Variants in ATP6AP2 observed in about 807,000 individuals in gnomAD.
ATP6AP2 encodes ATPase H+ transporting accessory protein 2, also known as renin receptor.
A neutral mutation model predicts 23.4 loss-of-function variants in ATP6AP2; 1 was observed. The observed-to-expected ratio is 0.04, with a 90% CI of 0.02 to 0.20. The LOEUF (loss-of-function observed/expected upper bound fraction) is 0.20. ATP6AP2 is among the 10% of genes least tolerant of loss of function. The probability of loss-of-function intolerance (pLI) is 1.00; values close to 1 mark genes in which losing one functional copy is unlikely to be tolerated. For missense variants in ATP6AP2, 174 were observed against 271.3 expected, an observed-to-expected ratio of 0.64 and a Z score of 2.52; for synonymous variants, 90 against 97.1, an observed-to-expected ratio of 0.93 and a Z score of 0.43.
At chrX:40,581,209 G>A (rs1926312779) in intron 1 of ATP6AP2, 107 bp downstream of exon 1, 2 of 846,378 alleles carry the variant, frequency 2.4e-6, no homozygotes, top group Non-Finnish European at 3.1e-6. Context: ...GTGCCGCAGT[G>A]CGGTCCGTCA....
chrX:40,581,357 G>C (rs1194036181), intron 1 of ATP6AP2, among the ~76,000 whole-genome samples: 1 of 113,364 alleles, frequency 8.8e-6, no homozygotes, highest in African/African-American at 3.2e-5. Flanking sequence ...CCACTTTGAG[G>C]GCGGCGCGTC....
In ATP6AP2 at chrX:40,597,327, T is replaced by C; in HGVS notation, c.379T>C (p.Leu127=). The change falls in exon 4 of 9, where the codon TTG becomes CTG. Residue 127 remains leucine, a synonymous_variant. Coordinates refer to ENST00000636580, the MANE Select transcript of ATP6AP2 (RefSeq NM_005765.3). The part of the protein sequence containing the change: ...FSEETPVVLQ[L]APSEERVYMV... ...TGAGGAAACTCCTGTTGTTTTGCAGTTGGCTCCCAGTGAGGAAGTAAGTGA... is the reference window on the plus strand; with the variant it reads ...TGAGGAAACTCCTGTTGTTTTGCAGCTGGCTCCCAGTGAGGAAGTAAGTGA... 1 of 1,201,099 alleles carries C rather than the reference T, an allele frequency of 8.3e-7. No individual in the cohort carries two copies. Among genetic ancestry groups the C allele is most frequent in the Non-Finnish European group, 1.1e-6 (1 of 885,661 alleles).
In ATP6AP2 at chrX:40,606,770, C is replaced by T; in HGVS notation, c.*1015C>T. 1 of 112,371 alleles carries T rather than the reference C, an allele frequency of 8.9e-6. No individual in the cohort carries two copies. Among genetic ancestry groups the T allele is most frequent in the Non-Finnish European group, 1.9e-5 (1 of 53,225 alleles). The allele number at this position is 112,371 out of a possible 1,213,427, so 9.3% of individuals were successfully genotyped here. The stretch of plus-strand genomic sequence containing the variant: ...TTTCTTTTACACTTGTTTATTCTCG[C>T]TGCCTCCTGAGATTTAGTACTAATG... On this transcript the variant is annotated 3_prime_UTR_variant, in exon 9 of 9. Transcript: ENST00000636580.
At position 40,602,276 on chromosome X, in the gene ATP6AP2, C is replaced by T. The variant is rs754229508; in HGVS notation, c.858+1395C>T. 5.1e-5 allele frequency among the ~76,000 whole-genome samples: 5 copies of T among 97,872 alleles called. 1 individual carries two copies. Among genetic ancestry groups the T allele is most frequent in the East Asian group, 6.4e-4 (2 of 3,112 alleles). The allele number at this position is 97,872 out of a possible 115,157, so 85.0% of individuals were successfully genotyped here. A position where few individuals can be genotyped will look rare whatever the true frequency, so the allele number is the denominator to read the frequency against. On this transcript the variant is annotated intron_variant, in intron 8 of 8. Transcript: ENST00000636580. ...TAGCCTGGGAGACACAGCAAGACTC[C>T]GTCTCAAATAAAAAAAAAATTACAA...
At chrX:40,596,178 C>CAA (rs369948015) in intron 3 of ATP6AP2, among the ~76,000 whole-genome samples, 27 of 96,100 alleles carry the variant, frequency 2.8e-4, no homozygotes, top group African/African-American at 8.7e-4. Flanking sequence ...GGCTCTGTCT[C>CAA]AAAAAAAAAA....
In ATP6AP2 at chrX:40,597,281, T is replaced by C; in HGVS notation, c.333T>C (p.Asn111=). Residue 111 remains asparagine (N), a synonymous_variant, in exon 4 of 9, where the codon AAT becomes AAC. Coordinates refer to ENST00000636580, the MANE Select transcript of ATP6AP2 (RefSeq NM_005765.3). ...AVPFSLDSVA[N]SIHSLFSEET... ...CTTTTAGTCTTGACAGTGTTGCAAATTCCATTCACTCCTTATTTTCTGAGG... is the reference window on the plus strand; with the variant it reads ...CTTTTAGTCTTGACAGTGTTGCAAACTCCATTCACTCCTTATTTTCTGAGG... 1 of 1,208,986 alleles carries C rather than the reference T, an allele frequency of 8.3e-7. No individual in the cohort carries two copies. The highest frequency in any genetic ancestry group is 1.1e-6 in the Non-Finnish European group (1 of 892,809).
chrX:40,587,666 T>G (rs748927194), intron 1 of ATP6AP2, among the ~76,000 whole-genome samples: 2 of 112,495 alleles, frequency 1.8e-5, no homozygotes, highest in East Asian at 5.6e-4. Flanking sequence ...TGGCTAACAT[T>G]TGTTCTAGAC....
chrX:40,588,869 C>T, intron 1 of ATP6AP2, 117 bp from the exon 2 acceptor site: 1 of 831,381 alleles, frequency 1.2e-6, no homozygotes, highest in Non-Finnish European at 1.7e-6. Context: ...TTTGACCAGT[C>T]ATAATTTAAT....
At position 40,591,674 on chromosome X, in the gene ATP6AP2, G is replaced by C. The variant is rs143698053; in HGVS notation, c.300+309G>C. On this transcript the variant is annotated intron_variant, in intron 3 of 8. Transcript: ENST00000636580. The stretch of plus-strand genomic sequence containing the variant: ...GAGAAACCAGTTGGGGTTGTATCCT[G>C]CTACTGTTTTTTTGGCCATTGTCTT... The C allele has an allele frequency of 5.2e-3, 1,299 of 251,558 alleles. 17 individuals are homozygous for C. The highest frequency in any genetic ancestry group is 0.035 in the African/African-American group (1,204 of 34,748). The allele number at this position is 251,558 out of a possible 1,213,427, so 20.7% of individuals were successfully genotyped here.
chrX:40,585,948 C>T (rs1250821509), intron 1 of ATP6AP2, among the ~76,000 whole-genome samples: 1 of 111,785 alleles, frequency 8.9e-6, no homozygotes, highest in East Asian at 2.8e-4. Context: ...GACTGCTCTT[C>T]CTGGATTCTT....
At chrX:40,587,682 G>T (rs1037434169) in intron 1 of ATP6AP2, among the ~76,000 whole-genome samples, 12 of 112,039 alleles carry the variant, frequency 1.1e-4, no homozygotes, top group African/African-American at 3.9e-4. Context: ...TAGACTTGGA[G>T]CCCATTTTTT....
At chrX:40,596,485 C>T (rs1319558540) in intron 3 of ATP6AP2, among the ~76,000 whole-genome samples, 1 of 110,593 alleles carries the variant, frequency 9.0e-6, no homozygotes, top group Non-Finnish European at 1.9e-5. Flanking sequence ...TTTTTGTTAC[C>T]CTTGAGGGTG....
chrX:40,581,107 G>GGAGCCGGGGGCCGGCAGGAC lies in ATP6AP2; in HGVS notation c.37+7_37+26dup. ...TGCTCCTGGCGTTGGTGGCGGGTGA[G>GGAGCCGGGGGCCGGCAGGAC]GAGCCGGGGGCCGGCAGGACGTGCC... On this transcript the variant is annotated splice_donor_region_variant and intron_variant, in intron 1 of 8. Transcript: ENST00000636580. 4.3e-6 allele frequency: 5 copies of GGAGCCGGGGGCCGGCAGGAC among 1,161,016 alleles called. No individual in the cohort carries two copies. The highest frequency in any genetic ancestry group is 5.7e-6 in the Non-Finnish European group (5 of 870,897).
intron 1 of ATP6AP2, among the ~76,000 whole-genome samples, chrX:40,584,741 G>A (rs762122282): frequency 9.0e-6 from 1 of 110,629 alleles, no homozygotes; most frequent in Non-Finnish European, 1.9e-5. Context: ...TGAGTAGCTG[G>A]GACTACAGGC....
intron 5 of ATP6AP2, chrX:40,598,480 G>A (rs1192603153): frequency 1.3e-5 from 6 of 451,758 alleles, no homozygotes; most frequent in Admixed American, 3.7e-5. Context: ...CTGTGCTAGG[G>A]AATGGCCATC....
chrX:40,589,254 C>T (rs994280801), intron 2 of ATP6AP2, 138 bp downstream of exon 2: 7 of 739,421 alleles, frequency 9.5e-6, no homozygotes, highest in Non-Finnish European at 1.4e-5. Context: ...TCATCTGGAC[C>T]AGGCACAGTG....
At position 40,591,336 on chromosome X, in the gene ATP6AP2, G is replaced by A; in HGVS notation, c.271G>A (p.Gly91Ser). ...AGTGAACAAACTGGCTCTACCCCCA[G>A]GCAGTGTCATTTCGTACCCTTTGGA... The part of the protein sequence containing the change: ...KGVNKLALPP[G>S]SVISYPLENA... The change falls in exon 3 of 9, where the codon GGC (glycine) becomes AGC (serine). Residue 91 changes from glycine to serine, a missense_variant. Gly to Ser is a moderately conservative substitution (Grantham distance 56). Transcript: ENST00000636580. 1 of 1,211,213 alleles carries A rather than the reference G, an allele frequency of 8.3e-7. No homozygotes were observed.
chrX:40,602,378 C>T (rs113496335), intron 8 of ATP6AP2, among the ~76,000 whole-genome samples: 5,131 of 96,536 alleles, frequency 0.053, 846 homozygotes, highest in African/African-American at 0.17. Context: ...AGGCCGGGTG[C>T]GGTGGCTCAC....
At chrX:40,602,111 G>A (rs1351441951) in intron 8 of ATP6AP2, among the ~76,000 whole-genome samples, 5 of 91,799 alleles carry the variant, frequency 5.4e-5, no homozygotes, top group African/African-American at 3.1e-4. Context: ...GTGAAACCCC[G>A]TCTCTACTAA....
Sources: allele counts gnomAD v4.1 joint callset (sites outside exome capture counted in the v4.1 genomes callset), GRCh38; gene constraint gnomAD v4.1.1; transcripts MANE v1.5; gene names NCBI Gene and HGNC (gene_info 2026-07-23, HGNC 2026-07-21).